The following MEIS3 variants were observed in gnomAD, a reference collection of about 807,000 sequenced individuals.
MEIS3 encodes homeobox protein Meis3.
Under a neutral mutation model 51.4 loss-of-function variants are expected in MEIS3, and 38 were observed. The observed-to-expected ratio is 0.74, with a 90% CI of 0.57 to 0.97. The LOEUF (loss-of-function observed/expected upper bound fraction) is 0.97. Among genes scored for constraint, MEIS3 ranks in the 50% least tolerant of loss-of-function variants. The pLI is 0.00. For synonymous variants in MEIS3, 198 were observed against 201.8 expected (o/e 0.98, Z 0.16); for missense variants, 456 against 502.6 (o/e 0.91, Z 0.89).
chr19:47,407,322 C>T (rs201228615), intron 9 of MEIS3, 30 bp downstream of exon 9: 10 of 1,602,840 alleles, frequency 6.2e-6, no homozygotes, highest in African/African-American at 1.4e-5. Context: ...TCGCCCCGGG[C>T]CGGCCCGCGG....
chr19:47,405,764 G>T (rs1037555479), intron 12 of MEIS3, among the ~76,000 whole-genome samples: 2 of 152,062 alleles, frequency 1.3e-5, no homozygotes, highest in African/African-American at 2.4e-5. Flanking sequence ...TGGCCAGGCT[G>T]GTCTCGAACT....
At chr19:47,416,748 C>T in intron 3 of MEIS3, 46 bp from the exon 4 acceptor site, 2 of 1,612,314 alleles carry the variant, frequency 1.2e-6, no homozygotes, top group South Asian at 1.1e-5. Context: ...CCGCCTTCCA[C>T]CCACCCCTCC....
At position 47,403,930 on chromosome 19, in the gene MEIS3, G is replaced by A. The variant is rs187109385; in HGVS notation, c.*18-377C>T. Among the ~76,000 whole-genome samples the A allele has an allele frequency of 3.0e-4, 45 of 152,182 alleles. No individual in the cohort carries two copies. In the East Asian group the frequency reaches 3.1e-3, roughly 10 times the overall value. ...GAAAGAGAGACAGGAGGCTGGGCGCGGTGACTCATGCCTGTAACCCCAACA... is the reference window on the plus strand; with the variant it reads ...GAAAGAGAGACAGGAGGCTGGGCGCAGTGACTCATGCCTGTAACCCCAACA... On this transcript the variant is annotated intron_variant, in intron 12 of 12. Coordinates refer to ENST00000558555, the MANE Select transcript of MEIS3 (RefSeq NM_001301059.2).
Position 47,406,479 on chromosome 19 carries a change from A to G in MEIS3, c.1126T>C (p.Ter376GlnextTer12). ...TCACACCTCTCCTGCATCAGCCTCT[A>G]TAGATAATGCCATTCTCCTTCCAAG... is the stretch of plus-strand genomic sequence containing the variant. ...LNLEGEWHYL[*>Q] The change falls in exon 12 of 13, where the codon TAG becomes CAG. Residue 376 changes from the stop codon to glutamine, a stop_lost. Transcript: ENST00000558555. The G allele has an allele frequency of 6.2e-7, 1 of 1,613,638 alleles. No individual in the cohort carries two copies. Among genetic ancestry groups the G allele is most frequent in the Non-Finnish European group, 8.5e-7 (1 of 1,179,738 alleles).
chr19:47,415,573 CTTT>C (rs1302603532), intron 4 of MEIS3, among the ~76,000 whole-genome samples: 236 of 115,248 alleles, frequency 2.0e-3, no homozygotes, highest in African/African-American at 7.6e-3. Flanking sequence ...CTCTCTCTCT[CTTT>C]TTTTTTTTTT....
intron 4 of MEIS3, 135 bp from the exon 5 acceptor site, chr19:47,415,236 G>A (rs1175694279): frequency 1.5e-6 from 1 of 675,844 alleles, no homozygotes; most frequent in African/African-American, 1.8e-5. Flanking sequence ...GACAGGGACA[G>A]GGAGATGCAG....
At chr19:47,404,808 C>T (rs2122453879) in intron 12 of MEIS3, among the ~76,000 whole-genome samples, 1 of 152,338 alleles carries the variant, frequency 6.6e-6, no homozygotes, top group Admixed American at 6.5e-5. Flanking sequence ...CCTGCCCGTT[C>T]TGGGGCATCA....
In MEIS3 at chr19:47,409,515, A is replaced by G; in HGVS notation, c.630T>C (p.Ser210=). ...CTGGGGTCCCCAAATGTACAGACCC[A>G]CTATCCTCATGGTCTCGAATCCACA... ...NNMWIRDHED[S]GSVHLGTPGP... The change falls in exon 7 of 13, where the codon AGT becomes AGC. Residue 210 remains serine, a synonymous_variant. Transcript: ENST00000558555. 6.2e-7 allele frequency: 1 copy of G among 1,614,022 alleles called. No homozygotes were observed. Among genetic ancestry groups the G allele is most frequent in the African/African-American group, 1.3e-5 (1 of 75,036 alleles).
chr19:47,420,419 TG>T (rs1971659296), upstream of MEIS3, among the ~76,000 whole-genome samples: 1 of 71,262 alleles, frequency 1.4e-5, no homozygotes, highest in African/African-American at 5.8e-5. Context: ...CGGCCAGTGG[TG>T]GGGGGCGTGG....
rs998741471 is a variant in MEIS3, at chr19:47,409,471, A to G, written c.674T>C (p.Leu225Pro). The G allele has an allele frequency of 1.2e-6, 2 of 1,614,068 alleles. No individual in the cohort carries two copies. Among genetic ancestry groups the G allele is most frequent in the Middle Eastern group, 1.6e-4 (1 of 6,062 alleles). Residue 225 changes from leucine to proline, a missense_variant, in exon 7 of 13, where the codon CTG (leucine) becomes CCG (proline). By Grantham distance (98) the Leu-to-Pro change is moderately conservative. Coordinates refer to ENST00000558555, the MANE Select transcript of MEIS3 (RefSeq NM_001301059.2). ...GGAGTTGTCCCCACTCTGGGAGGCC[A>G]GGCCCCCACTGGATGGACCTGGGGT... ...LGTPGPSSGG[L>P]ASQSGDNSSD...
At chr19:47,409,875 AAAGTT>A (rs1223339235) in intron 6 of MEIS3, among the ~76,000 whole-genome samples, 1 of 148,440 alleles carries the variant, frequency 6.7e-6, no homozygotes, top group Non-Finnish European at 1.5e-5. Flanking sequence ...AAAAAAAAAA[AAAGTT>A]AGTGCCAAGG....
Position 47,419,162 on chromosome 19 carries a change from A to C in MEIS3, c.-81T>G. On this transcript the variant is annotated 5_prime_UTR_variant, in exon 1 of 13. Coordinates refer to ENST00000558555, the MANE Select transcript of MEIS3 (RefSeq NM_001301059.2). ...GCGCAGCCCGGGGCCGCAGCCCCTG[A>C]CGGCCCGCGGTGTTGACGCCAGGGG... 9.2e-7 allele frequency: 1 copy of C among 1,088,926 alleles called. No individual in the cohort carries two copies. Among genetic ancestry groups the C allele is most frequent in the Non-Finnish European group, 1.2e-6 (1 of 859,394 alleles). 67.5% of individuals were successfully genotyped at this position (1,088,926 alleles called of 1,614,324 possible). A position where few individuals can be genotyped will look rare whatever the true frequency, so the allele number is the denominator to read the frequency against.
In MEIS3 at chr19:47,407,069, C is replaced by A. The variant is rs1165639057; in HGVS notation, c.994+10G>T. 1 of 1,608,746 alleles carries A rather than the reference C, an allele frequency of 6.2e-7. No homozygotes were observed. The highest frequency in any genetic ancestry group is 1.1e-5 in the South Asian group (1 of 89,596). On this transcript the variant is annotated intron_variant, in intron 10 of 12. Coordinates refer to ENST00000558555, the MANE Select transcript of MEIS3 (RefSeq NM_001301059.2). ...ACCCCAGGCTCTCCGTCCCCGCCTT[C>A]CCCCTGTACCTGTGCGGTTGGATTG...
At position 47,409,405 on chromosome 19, in the gene MEIS3, A is replaced by G. The variant is rs372805903; in HGVS notation, c.709+31T>C. 3 of 1,592,086 alleles carry G rather than the reference A, an allele frequency of 1.9e-6. No individual in the cohort carries two copies. The African/African-American group carries it at 4.0e-5, about 21-fold the overall frequency. On this transcript the variant is annotated intron_variant, in intron 7 of 12. Transcript: ENST00000558555. ...AACTTCAATCCTCTGGTTGACTCCC[A>G]TGTTTCCCTTCCACCTCCCAAGATT...
At chr19:47,403,779 G>A (rs1208447761) in intron 12 of MEIS3, among the ~76,000 whole-genome samples, 1 of 152,110 alleles carries the variant, frequency 6.6e-6, no homozygotes, top group East Asian at 1.9e-4. Context: ...GAGACCTACA[G>A]ACAGAGACAG....
chr19:47,419,932 C>T (rs1440304074), upstream of MEIS3, among the ~76,000 whole-genome samples: 1 of 152,180 alleles, frequency 6.6e-6, no homozygotes. Context: ...CGTAGGCTCT[C>T]CCCTCTCTGA....
intron 12 of MEIS3, 176 bp downstream of exon 12, chr19:47,406,284 T>G: frequency 1.9e-6 from 1 of 529,130 alleles, no homozygotes; most frequent in Non-Finnish European, 3.4e-6. Context: ...GATGGATGGA[T>G]GGATGGATGG....
upstream of MEIS3, among the ~76,000 whole-genome samples, chr19:47,421,197 T>C (rs561167268): frequency 2.0e-5 from 3 of 152,112 alleles, no homozygotes; most frequent in South Asian, 4.2e-4. Context: ...TGACCCCAGC[T>C]CCCAGTCTGC....
chr19:47,404,879 G>A (rs1970744575), intron 12 of MEIS3, among the ~76,000 whole-genome samples: 2 of 152,362 alleles, frequency 1.3e-5, no homozygotes, highest in South Asian at 4.1e-4. Flanking sequence ...GCAGGGCTGA[G>A]GCTGTCATGG....
Sources: allele counts gnomAD v4.1 joint callset (sites outside exome capture counted in the v4.1 genomes callset), GRCh38; gene constraint gnomAD v4.1.1; transcripts MANE v1.5; gene names NCBI Gene and HGNC (gene_info 2026-07-23, HGNC 2026-07-21).